Variants in PDE1C observed in about 807,000 individuals in gnomAD.
The protein encoded by PDE1C is phosphodiesterase 1C.
Under a neutral mutation model 93.1 loss-of-function variants are expected in PDE1C, and 62 were observed. The ratio of observed to expected loss-of-function variants is 0.67; its 90% CI spans 0.54 to 0.82. The LOEUF is 0.82. PDE1C is among the 40% of genes least tolerant of loss of function. The pLI is 0.00. For synonymous variants in PDE1C, 325 were observed against 310.1 expected (o/e 1.05, Z -0.50); for missense variants, 742 against 884.6 (o/e 0.84, Z 2.04).
chr7:31,831,024 C>G (rs1385060260), intron 11 of PDE1C, among the ~76,000 whole-genome samples: 1 of 152,228 alleles, frequency 6.6e-6, no homozygotes, highest in Admixed American at 6.5e-5. Flanking sequence ...ATTGGAAGTT[C>G]ACAGAGAAGA....
At chr7:32,059,200 A>G (rs140553169) in intron 1 of PDE1C, among the ~76,000 whole-genome samples, 1 of 152,312 alleles carries the variant, frequency 6.6e-6, no homozygotes, top group Non-Finnish European at 1.5e-5. Context: ...GATCAAATTC[A>G]CATGAAGGAA....
At chr7:32,258,082 C>A (rs904014383) in intron 1 of PDE1C, among the ~76,000 whole-genome samples, 1 of 152,212 alleles carries the variant, frequency 6.6e-6, no homozygotes, top group Non-Finnish European at 1.5e-5. Context: ...AATAGTACCC[C>A]AAAGGTACAA....
chr7:32,276,628 C>T (rs898613450), intron 1 of PDE1C, among the ~76,000 whole-genome samples: 6 of 152,020 alleles, frequency 3.9e-5, no homozygotes, highest in South Asian at 2.1e-4. Flanking sequence ...AACCCTGGCT[C>T]GCCACTTGTG....
intron 2 of PDE1C, among the ~76,000 whole-genome samples, chr7:32,017,191 T>G (rs1210974087): frequency 6.6e-6 from 1 of 152,134 alleles, no homozygotes; most frequent in African/African-American, 2.4e-5. Flanking sequence ...TGAGAATAAT[T>G]ATGACAAAAA....
At chr7:31,865,177 G>A in intron 6 of PDE1C, 95 bp from the exon 7 acceptor site, 2 of 1,199,198 alleles carry the variant, frequency 1.7e-6, no homozygotes, top group Non-Finnish European at 2.4e-6. Context: ...TTTCTCTGAA[G>A]GCATAACACA....
chr7:31,703,058 G>T, the PDE1C span, among the ~76,000 whole-genome samples: 1 of 152,148 alleles, frequency 6.6e-6, no homozygotes, highest in Non-Finnish European at 1.5e-5. Context: ...AACTGTAAAA[G>T]CTTTCTTCAT....
intron 16 of PDE1C, chr7:31,808,227 T>A: frequency 4.1e-6 from 2 of 483,956 alleles, no homozygotes; most frequent in Non-Finnish European, 8.1e-6. Flanking sequence ...TCAAATATGA[T>A]GTCTCCAGGG....
At chr7:32,113,462 A>G (rs1390077294) in intron 3 of PDE1C, among the ~76,000 whole-genome samples, 6 of 150,730 alleles carry the variant, frequency 4.0e-5, no homozygotes, top group Non-Finnish European at 7.4e-5. Flanking sequence ...ATCCTCCCTC[A>G]TTGTATTCTT....
intron 1 of PDE1C, among the ~76,000 whole-genome samples, chr7:32,281,418 A>T (rs557180556): frequency 6.6e-6 from 1 of 152,324 alleles, no homozygotes; most frequent in South Asian, 2.1e-4. Flanking sequence ...TAAAAATTTC[A>T]TATAAATTAA....
chr7:32,234,884 A>T (rs1807960411), intron 1 of PDE1C, among the ~76,000 whole-genome samples: 1 of 152,044 alleles, frequency 6.6e-6, no homozygotes, highest in African/African-American at 2.4e-5. Flanking sequence ...AGTGTTAGCA[A>T]ATTGAATATA....
At chr7:31,692,269 TAAG>T in the PDE1C span, 6 of 562,142 alleles carry the variant, frequency 1.1e-5, 1 homozygote, top group South Asian at 1.7e-4. Context: ...TAGCCAAGTT[TAAG>T]AAGCACACAT....
At chr7:32,073,994 GCATACATA>G (rs949124936), upstream of PDE1C, among the ~76,000 whole-genome samples, 1 of 151,780 alleles carries the variant, frequency 6.6e-6, no homozygotes, top group African/African-American at 2.4e-5. Context: ...ATATAGACAT[GCATACATA>G]CATACATATA....
intron 4 of PDE1C, among the ~76,000 whole-genome samples, chr7:31,878,253 GA>G (rs570025271): frequency 2.0e-5 from 3 of 151,800 alleles, no homozygotes; most frequent in South Asian, 2.1e-4. Context: ...AACCATGGGG[GA>G]AAAAAAACCT....
At chr7:32,394,200 A>G (rs2128093690) in intron 1 of PDE1C, among the ~76,000 whole-genome samples, 1 of 152,382 alleles carries the variant, frequency 6.6e-6, no homozygotes, top group African/African-American at 2.4e-5. Flanking sequence ...CTCTCTGATT[A>G]AATGTTTCTT....
At chr7:31,642,387 A>G in the PDE1C span, 65 of 709,256 alleles carry the variant, frequency 9.2e-5, no homozygotes, top group East Asian at 8.2e-4. Context: ...TCAAGCCACA[A>G]TTGGAAAGGT....
chr7:32,049,444 A>G (rs185650661), intron 2 of PDE1C, among the ~76,000 whole-genome samples: 1 of 152,232 alleles, frequency 6.6e-6, no homozygotes, highest in East Asian at 1.9e-4. Flanking sequence ...GCCTGAAGCC[A>G]TGATTTTTAG....
At chr7:32,201,961 T>C (rs1188042063) in intron 2 of PDE1C, among the ~76,000 whole-genome samples, 1 of 152,162 alleles carries the variant, frequency 6.6e-6, no homozygotes, top group African/African-American at 2.4e-5. Flanking sequence ...AATAGGAAGA[T>C]AGCCAGAAGC....
At chr7:32,055,980 A>C (rs761523495) in intron 1 of PDE1C, among the ~76,000 whole-genome samples, 2 of 152,168 alleles carry the variant, frequency 1.3e-5, no homozygotes, top group African/African-American at 2.4e-5. Flanking sequence ...TCAGCCTCTC[A>C]AAGTGTTGCG....
At chr7:32,296,235 C>G (rs1010646708) in intron 1 of PDE1C, among the ~76,000 whole-genome samples, 59 of 152,312 alleles carry the variant, frequency 3.9e-4, no homozygotes, top group African/African-American at 1.4e-3. Flanking sequence ...TTAAATGCCT[C>G]TCTAGCAACT....
Sources: allele counts gnomAD v4.1 joint callset (sites outside exome capture counted in the v4.1 genomes callset), GRCh38; gene constraint gnomAD v4.1.1; transcripts MANE v1.5; gene names NCBI Gene and HGNC (gene_info 2026-07-23, HGNC 2026-07-21).